The following VSIR variants were observed in gnomAD, a reference collection of about 807,000 sequenced individuals.
VSIR encodes V-set immunoregulatory receptor, also known as V-type immunoglobulin domain-containing suppressor of T-cell activation.
Under a neutral mutation model 31.0 loss-of-function variants are expected in VSIR, and 10 were observed. The observed-to-expected ratio is 0.32, with a 90% CI of 0.20 to 0.55. The LOEUF (loss-of-function observed/expected upper bound fraction) is 0.55, where lower values mean the gene tolerates loss of function less well. Among genes scored for constraint, VSIR ranks in the 20% least tolerant of loss-of-function variants. The probability of loss-of-function intolerance (pLI) is 0.93; values close to 1 mark genes in which losing one functional copy is unlikely to be tolerated. For missense variants in VSIR, 356 were observed against 416.2 expected (o/e 0.86, Z 1.26); for synonymous variants, 179 against 180.1 (o/e 0.99, Z 0.05).
At chr10:71,758,333 AG>A (rs1474627510) in intron 3 of VSIR, among the ~76,000 whole-genome samples, 1 of 152,168 alleles carries the variant, frequency 6.6e-6, no homozygotes, top group East Asian at 1.9e-4. Context: ...TTGTATCTCC[AG>A]GGCCTAGCAG....
At chr10:71,769,087 G>A (rs970511540) in intron 1 of VSIR, among the ~76,000 whole-genome samples, 6 of 152,174 alleles carry the variant, frequency 3.9e-5, no homozygotes, top group African/African-American at 1.4e-4. Context: ...GCCTGGCCAC[G>A]TCTACCACAT....
Position 71,751,582 on chromosome 10 carries a change from A to T in VSIR, c.898+86T>A. On this transcript the variant is annotated intron_variant, in intron 6 of 6. Transcript: ENST00000394957. The surrounding 1 kb of genome is among the most constrained non-coding windows in gnomAD (Gnocchi z 4.9). ...CGTGAGGCCGTGGAACTCTTCAGGG[A>T]GGGCAGGGAGTGAGGCCGATGCCCT... The T allele has an allele frequency of 7.0e-7, 1 of 1,435,956 alleles. No individual in the cohort carries two copies. Among genetic ancestry groups the T allele is most frequent in the South Asian group, 1.4e-5 (1 of 70,114 alleles). 89.0% of individuals were successfully genotyped at this position (1,435,956 alleles called of 1,614,324 possible).
Position 71,760,876 on chromosome 10 carries a change from T to C in VSIR, c.560A>G (p.Asp187Gly). The C allele has an allele frequency of 6.2e-7, 1 of 1,613,622 alleles. No homozygotes were observed. ...AGAGGTTGGTCCCTTACTTTCACTA[T>C]CCTGGGAGGAGGATGGGTACACCAC... ...NCVVYPSSSQ[D>G]SENITAAALA... The change falls in exon 3 of 7, where the codon GAT becomes GGT. Residue 187 changes from aspartate to glycine, a missense_variant. Physicochemically the swap from Asp to Gly is moderately conservative, Grantham distance 94 (BLOSUM62 -1). Coordinates refer to ENST00000394957, the MANE Select transcript of VSIR (RefSeq NM_022153.2).
At chr10:71,765,250 T>C (rs993887323) in intron 1 of VSIR, among the ~76,000 whole-genome samples, 53 of 152,256 alleles carry the variant, frequency 3.5e-4, no homozygotes, top group African/African-American at 4.8e-5. Flanking sequence ...ACCCCAGGGC[T>C]GGGAGCTGAA....
intron 3 of VSIR, among the ~76,000 whole-genome samples, chr10:71,760,306 TACAC>T (rs142089504): frequency 1.2e-5 from 1 of 86,494 alleles, no homozygotes; most frequent in Non-Finnish European, 2.9e-5. Context: ...TATATGTATA[TACAC>T]ACACATATAT....
chr10:71,760,632 A>T, intron 3 of VSIR: 1 of 513,192 alleles, frequency 1.9e-6, no homozygotes, highest in Non-Finnish European at 3.5e-6. Flanking sequence ...GCCAAGGCAC[A>T]GCCACTCCAG....
chr10:71,765,630 T>A (rs569716543), intron 1 of VSIR, among the ~76,000 whole-genome samples: 3 of 152,082 alleles, frequency 2.0e-5, no homozygotes, highest in Non-Finnish European at 2.9e-5. Flanking sequence ...GGAGGCAACT[T>A]CCTTGAGATG....
chr10:71,753,552 C>G (rs891979836), intron 4 of VSIR, among the ~76,000 whole-genome samples: 3 of 152,202 alleles, frequency 2.0e-5, no homozygotes, highest in Non-Finnish European at 4.4e-5. Flanking sequence ...GGAAACCTTA[C>G]AAGGTGCAAG....
At chr10:71,760,596 G>A (rs905421855) in intron 3 of VSIR, 43 of 413,286 alleles carry the variant, frequency 1.0e-4, no homozygotes, top group Non-Finnish European at 1.7e-4. Flanking sequence ...CCTGTCATGA[G>A]GCACTTGCCC....
At chr10:71,770,777 T>C (rs1398451895) in intron 1 of VSIR, among the ~76,000 whole-genome samples, 1 of 152,106 alleles carries the variant, frequency 6.6e-6, no homozygotes, top group Non-Finnish European at 1.5e-5. Context: ...CCCAGGAAGG[T>C]CAGACCCCAG....
Position 71,751,529 on chromosome 10 carries a change from C to G in VSIR, c.898+139G>C. 1.6e-6 allele frequency: 1 copy of G among 640,998 alleles called. No homozygotes were observed. Among genetic ancestry groups the G allele is most frequent in the Non-Finnish European group, 2.6e-6 (1 of 382,778 alleles). The allele number at this position is 640,998 out of a possible 1,614,324, so 39.7% of individuals were successfully genotyped here. ...CTCTTCAGGGAGGTGAATGGGGGCCCCTCTGTCCCTCACCCTCAACCCCAC... is the reference window on the plus strand; with the variant it reads ...CTCTTCAGGGAGGTGAATGGGGGCCGCTCTGTCCCTCACCCTCAACCCCAC... On this transcript the variant is annotated intron_variant, in intron 6 of 6. Transcript: ENST00000394957. This position sits in a 1 kb window ranked among gnomAD's most constrained non-coding sequence, Gnocchi z 4.9.
intron 3 of VSIR, among the ~76,000 whole-genome samples, chr10:71,759,258 G>C (rs960223938): frequency 6.6e-6 from 1 of 151,872 alleles, no homozygotes; most frequent in Admixed American, 6.6e-5. Flanking sequence ...GGCTGGTCTC[G>C]AACTCCTGGC....
chr10:71,754,098 G>A (rs1239226561), intron 4 of VSIR, among the ~76,000 whole-genome samples: 1 of 152,182 alleles, frequency 6.6e-6, no homozygotes, highest in Non-Finnish European at 1.5e-5. Context: ...TCCTGAGCAG[G>A]CTCTCTGGGC....
chr10:71,753,957 T>C (rs1256051121), intron 4 of VSIR: 1 of 443,088 alleles, frequency 2.3e-6, no homozygotes, highest in Non-Finnish European at 4.6e-6. Context: ...GTTGGTCCCA[T>C]TTTAGAGCTG....
chr10:71,759,192 C>T (rs1387879372), intron 3 of VSIR, among the ~76,000 whole-genome samples: 2 of 152,052 alleles, frequency 1.3e-5, no homozygotes, highest in Non-Finnish European at 2.9e-5. Context: ...CGTGCACCAC[C>T]ATGCCTGGCT....
rs776230069 is a variant in VSIR, at chr10:71,759,846, C to CACACACACACACACACAT, written c.568+1021_568+1022insATGTGTGTGTGTGTGTGT. Among the ~76,000 whole-genome samples the CACACACACACACACACAT allele has an allele frequency of 6.6e-3, 397 of 59,950 alleles. 13 individuals are homozygous for CACACACACACACACACAT. Among genetic ancestry groups the CACACACACACACACACAT allele is most frequent in the Non-Finnish European group, 9.1e-3 (263 of 29,036 alleles). 39.3% of individuals were successfully genotyped at this position (59,950 alleles called of 152,430 possible). Reference sequence around the variant, plus strand: ...ACACACACACACACACACACACACACATATACACACACACACACATATATA... The same window carrying CACACACACACACACACAT: ...ACACACACACACACACACACACACACACACACACACACACACATATATACACACACACACACATATATA... On this transcript the variant is annotated intron_variant, in intron 3 of 6. Transcript: ENST00000394957.
At position 71,762,018 on chromosome 10, in the gene VSIR, C is replaced by T; in HGVS notation, c.91G>A (p.Ala31Thr). ...TACGGCGTGGCGACCTTGAAGGCTG[C>T]CACCGGACCTGCTCAGAGAGAGGAG... ...LFLAASLGPV[A>T]AFKVATPYSL... Residue 31 changes from alanine to threonine, a missense_variant, in exon 2 of 7, where the codon GCA (alanine) becomes ACA (threonine). Around this residue, in one of 2 missense-constraint regions of VSIR, gnomAD observed 166 missense variants for 231.0 expected, o/e 0.72. Coordinates refer to ENST00000394957, the MANE Select transcript of VSIR (RefSeq NM_022153.2). The T allele has an allele frequency of 6.3e-7, 1 of 1,600,000 alleles. No individual in the cohort carries two copies. The highest frequency in any genetic ancestry group is 8.5e-7 in the Non-Finnish European group (1 of 1,172,018).
At chr10:71,766,791 C>G (rs1224606038) in intron 1 of VSIR, among the ~76,000 whole-genome samples, 1 of 152,160 alleles carries the variant, frequency 6.6e-6, no homozygotes, top group Non-Finnish European at 1.5e-5. Flanking sequence ...CTGAGATTCA[C>G]ACCTTGGACA....
intron 1 of VSIR, among the ~76,000 whole-genome samples, chr10:71,771,364 C>T (rs954811328): frequency 2.6e-5 from 4 of 152,240 alleles, no homozygotes; most frequent in African/African-American, 9.6e-5. Flanking sequence ...AGCTGGAGAA[C>T]AGGCTGGCCC....
Sources: gnomAD v4.1 joint callset for allele counts (sites outside exome capture counted in the v4.1 genomes callset) on GRCh38, gnomAD v4.1.1 for gene constraint, gnomAD v4.1.1 regional missense constraint, Gnocchi (gnomAD v3.1) non-coding constraint, MANE v1.5 for transcripts, NCBI Gene and HGNC (gene_info 2026-07-23, HGNC 2026-07-21) for gene names.